KAT7: variants seen among roughly 807,000 people sequenced by gnomAD.
KAT7 encodes lysine acetyltransferase 7.
A neutral mutation model predicts 82.1 loss-of-function variants in KAT7; 10 were observed. The ratio of observed to expected loss-of-function variants is 0.12; its 90% CI spans 0.08 to 0.21. The LOEUF (loss-of-function observed/expected upper bound fraction) is 0.21, where lower values mean the gene tolerates loss of function less well. Among genes scored for constraint, KAT7 ranks in the 10% least tolerant of loss-of-function variants. KAT7 has a pLI of 1.00. For synonymous variants in KAT7, 250 were observed against 262.5 expected (o/e 0.95, Z 0.46); for missense variants, 378 against 760.9 (o/e 0.50, Z 5.92).
Position 49,830,414 on chromosome 17 carries a change from CTT to C in KAT7, c.*2913_*2914del, listed in dbSNP as rs2074415886. 6.6e-6 allele frequency: 1 copy of C among 151,978 alleles called. No individual in the cohort carries two copies. The highest frequency in any genetic ancestry group is 2.1e-4 in the South Asian group (1 of 4,810). The allele number at this position is 151,978 out of a possible 1,614,324, so 9.4% of individuals were successfully genotyped here. ...ATGTTGGCCAGGCCAGTCTCAAACT[CTT>C]GACCTCAAGTGATCACCCGCCTCAT... is the stretch of plus-strand genomic sequence containing the variant. On this transcript the variant is annotated 3_prime_UTR_variant, in exon 15 of 15. Transcript: ENST00000259021.
rs1318529123 is a variant in KAT7, at chr17:49,832,182, C to T, written c.*4680C>T. ...TGTTGGCTAGGTTGGTCTTGAACTCCTGACCTCAGGTGATCCACTCACCTC... is the reference window on the plus strand; with the variant it reads ...TGTTGGCTAGGTTGGTCTTGAACTCTTGACCTCAGGTGATCCACTCACCTC... On this transcript the variant is annotated 3_prime_UTR_variant, in exon 15 of 15. Coordinates refer to ENST00000259021, the MANE Select transcript of KAT7 (RefSeq NM_007067.5). 1 of 151,738 alleles carries T rather than the reference C, an allele frequency of 6.6e-6. No homozygotes were observed. Among genetic ancestry groups the T allele is most frequent in the African/African-American group, 2.4e-5 (1 of 41,198 alleles). The allele number at this position is 151,738 out of a possible 1,614,324, so 9.4% of individuals were successfully genotyped here. A position where few individuals can be genotyped will look rare whatever the true frequency, so the allele number is the denominator to read the frequency against.
intron 5 of KAT7, 40 bp downstream of exon 5, chr17:49,805,485 T>C (rs1434394781): frequency 6.8e-7 from 1 of 1,464,938 alleles, no homozygotes. Flanking sequence ...GCTTATTGAG[T>C]GCTTACCGTT....
At chr17:49,803,210 G>A (rs2074047173) in intron 4 of KAT7, among the ~76,000 whole-genome samples, 1 of 151,580 alleles carries the variant, frequency 6.6e-6, no homozygotes, top group Non-Finnish European at 1.5e-5. Context: ...CCAGGTTCAA[G>A]CGATTTGCCT....
At chr17:49,799,784 T>G (rs1303930447) in intron 4 of KAT7, among the ~76,000 whole-genome samples, 1 of 151,766 alleles carries the variant, frequency 6.6e-6, no homozygotes, top group Non-Finnish European at 1.5e-5. Flanking sequence ...CATCTCAGCC[T>G]CCCAAGTAGC....
At chr17:49,818,039 G>T in intron 9 of KAT7, 28 bp downstream of exon 9, 1 of 1,575,908 alleles carries the variant, frequency 6.3e-7, no homozygotes, top group South Asian at 1.1e-5. Flanking sequence ...CCTCTGCCTT[G>T]ACCATGATGG....
chr17:49,795,939 C>A lies in KAT7; in HGVS notation c.164-811C>A, dbSNP rs117176925. ...ATAGATTAAAAGTCTCTGTAGTCATCTCTGTGAAGAGCAAGCTATGATTAA... is the reference window on the plus strand; with the variant it reads ...ATAGATTAAAAGTCTCTGTAGTCATATCTGTGAAGAGCAAGCTATGATTAA... On this transcript the variant is annotated intron_variant, in intron 2 of 14. Transcript: ENST00000259021. 4.0e-3 allele frequency among the ~76,000 whole-genome samples: 609 copies of A among 152,036 alleles called. 2 individuals carry two copies. Among genetic ancestry groups the A allele is most frequent in the South Asian group, 7.1e-3 (34 of 4,816 alleles).
At position 49,823,110 on chromosome 17, in the gene KAT7, T is replaced by G. The variant is rs144292782; in HGVS notation, c.1387-92T>G. The G allele has an allele frequency of 1.6e-5, 12 of 744,946 alleles. No individual in the cohort carries two copies. In the African/African-American group the frequency reaches 1.9e-4, roughly 12 times the overall value. 46.1% of individuals were successfully genotyped at this position (744,946 alleles called of 1,614,324 possible). Reference sequence around the variant, plus strand: ...CCTTGGGACTGGTTAGCCAGATGTTTTGCAAGCAGCCTTATTTTGCATCTG... The same window carrying G: ...CCTTGGGACTGGTTAGCCAGATGTTGTGCAAGCAGCCTTATTTTGCATCTG... On this transcript the variant is annotated intron_variant, in intron 11 of 14. Coordinates refer to ENST00000259021, the MANE Select transcript of KAT7 (RefSeq NM_007067.5).
At chr17:49,793,005 G>A (rs755896448) in intron 2 of KAT7, among the ~76,000 whole-genome samples, 2 of 151,870 alleles carry the variant, frequency 1.3e-5, no homozygotes, top group Non-Finnish European at 2.9e-5. Context: ...TAGAGATGAG[G>A]TCTTATTATG....
intron 7 of KAT7, among the ~76,000 whole-genome samples, chr17:49,812,486 A>G (rs1255560966): frequency 3.3e-5 from 5 of 151,924 alleles, no homozygotes; most frequent in Non-Finnish European, 7.4e-5. Flanking sequence ...CGGCCTCCCA[A>G]AGTGTTGGGA....
At chr17:49,794,036 A>T (rs2073922795) in intron 2 of KAT7, among the ~76,000 whole-genome samples, 1 of 152,204 alleles carries the variant, frequency 6.6e-6, no homozygotes, top group Non-Finnish European at 1.5e-5. Flanking sequence ...TTAAGCTTTA[A>T]ATTTTTACCA....
At chr17:49,801,479 C>A (rs1228897216) in intron 4 of KAT7, among the ~76,000 whole-genome samples, 2 of 152,040 alleles carry the variant, frequency 1.3e-5, no homozygotes, top group East Asian at 3.9e-4. Flanking sequence ...AAAATATGAA[C>A]CCGAGCTTCC....
intron 4 of KAT7, among the ~76,000 whole-genome samples, chr17:49,802,499 C>T (rs1271304184): frequency 6.6e-6 from 1 of 152,038 alleles, no homozygotes; most frequent in Admixed American, 6.6e-5. Context: ...GAAACCCCAT[C>T]TCTATTAAAA....
chr17:49,820,196 C>A (rs1281512811), intron 9 of KAT7, among the ~76,000 whole-genome samples: 1 of 152,002 alleles, frequency 6.6e-6, no homozygotes, highest in Non-Finnish European at 1.5e-5. Flanking sequence ...CTGCAGTGAG[C>A]TATGATCGTG....
rs1200887790 is a variant in KAT7, at chr17:49,829,848, C to A, written c.*2346C>A. The A allele has an allele frequency of 6.6e-6, 1 of 151,582 alleles. No individual in the cohort carries two copies. The highest frequency in any genetic ancestry group is 2.4e-5 in the African/African-American group (1 of 41,244). 9.4% of individuals were successfully genotyped at this position (151,582 alleles called of 1,614,324 possible). A position where few individuals can be genotyped will look rare whatever the true frequency, so the allele number is the denominator to read the frequency against. ...GGTGTGGAAACAGAGTTTCACTTGC[C>A]TTGGCAACTTTGCATGAGACTATCC... On this transcript the variant is annotated 3_prime_UTR_variant, in exon 15 of 15. Transcript: ENST00000259021.
intron 1 of KAT7, among the ~76,000 whole-genome samples, chr17:49,791,419 A>T (rs1041312825): frequency 2.6e-5 from 4 of 152,166 alleles, no homozygotes; most frequent in Admixed American, 2.6e-4. Flanking sequence ...GCACTTTGGG[A>T]GGCCAAGGCG....
At position 49,799,526 on chromosome 17, in the gene KAT7, GC is replaced by G. The variant is rs2073996441; in HGVS notation, c.580+971del. On this transcript the variant is annotated intron_variant, in intron 4 of 14. Transcript: ENST00000259021. ...CTCCTGAGTAGTTGGGATTACAGAT[GC>G]CCACAACCACACCTAACTTTTGTAT... Among the ~76,000 whole-genome samples, 5 of 152,196 alleles carry G rather than the reference GC, an allele frequency of 3.3e-5. No individual in the cohort carries two copies. The South Asian group carries it at 1.0e-3, about 32-fold the overall frequency.
At chr17:49,812,602 A>G (rs1171416754) in intron 7 of KAT7, among the ~76,000 whole-genome samples, 1 of 152,190 alleles carries the variant, frequency 6.6e-6, no homozygotes, top group African/African-American at 2.4e-5. Flanking sequence ...CCAAAAATAT[A>G]GAGAAGAAAC....
chr17:49,827,371 G>A, intron 14 of KAT7, 30 bp from the exon 15 acceptor site: 1 of 1,343,988 alleles, frequency 7.4e-7, no homozygotes, highest in South Asian at 1.2e-5. Flanking sequence ...TTGAAAGTAT[G>A]TAATCCTTTT....
chr17:49,800,159 C>T (rs1202899562), intron 4 of KAT7, among the ~76,000 whole-genome samples: 4 of 151,956 alleles, frequency 2.6e-5, no homozygotes, highest in Non-Finnish European at 5.9e-5. Context: ...CTACAGGCGC[C>T]TGCCACCATG....
Sources: allele counts gnomAD v4.1 joint callset (sites outside exome capture counted in the v4.1 genomes callset), GRCh38; gene constraint gnomAD v4.1.1; transcripts MANE v1.5; gene names NCBI Gene and HGNC (gene_info 2026-07-23, HGNC 2026-07-21).